Variants in SIPA1 observed in about 807,000 individuals in gnomAD.
The protein encoded by SIPA1 is signal-induced proliferation-associated protein 1.
SIPA1 carries 51 observed loss-of-function variants against 88.1 expected under a neutral mutation model. The observed-to-expected ratio is 0.58, with a 90% CI of 0.46 to 0.73. SIPA1 has a LOEUF of 0.73. Ranked by LOEUF, SIPA1 falls within the 30% of genes least tolerant of loss-of-function variation. The pLI is 0.00. For synonymous variants in SIPA1, 681 were observed against 664.8 expected, an observed-to-expected ratio of 1.02 and a Z score of -0.37; for missense variants, 1,348 against 1,467.6, an observed-to-expected ratio of 0.92 and a Z score of 1.33.
intron 4 of SIPA1, among the ~76,000 whole-genome samples, chr11:65,644,423 T>C (rs1856067848): frequency 1.3e-5 from 2 of 151,296 alleles, no homozygotes; most frequent in Admixed American, 1.3e-4. Flanking sequence ...AGGAATGAAA[T>C]CGAAGTGGGG....
Position 65,646,379 on chromosome 11 carries a change from G to A in SIPA1, c.1421+1G>A. On this transcript the variant is annotated splice_donor_variant, in intron 7 of 15. Coordinates refer to ENST00000534313, the MANE Select transcript of SIPA1 (RefSeq NM_006747.4). LOFTEE classifies it high-confidence loss of function. This position sits in a 1 kb window ranked among gnomAD's most constrained non-coding sequence, Gnocchi z 7.5. ...CCTGCACGCCACACACCACCTACAG[G>A]TGGGCACCGGAGTGGTCCCAGGTCT... The A allele has an allele frequency of 6.2e-7, 1 of 1,609,558 alleles. No homozygotes were observed. The highest frequency in any genetic ancestry group is 1.3e-5 in the African/African-American group (1 of 75,024).
chr11:65,641,680 C>T, intron 2 of SIPA1, 80 bp downstream of exon 2: 2 of 1,254,330 alleles, frequency 1.6e-6, no homozygotes, highest in Non-Finnish European at 1.1e-6. Context: ...CACAGTAGGG[C>T]TCATGAACTG....
chr11:65,645,934 T>C lies in SIPA1; in HGVS notation c.1240T>C (p.Tyr414His). 6.2e-7 allele frequency: 1 copy of C among 1,612,868 alleles called. No individual in the cohort carries two copies. The highest frequency in any genetic ancestry group is 8.5e-7 in the Non-Finnish European group (1 of 1,179,304). Residue 414 changes from tyrosine to histidine, a missense_variant, in exon 6 of 16, where the codon TAC becomes CAC. This residue lies in a region of SIPA1 where 641 missense variants were observed against 797.7 expected (regional missense o/e 0.80). Coordinates refer to ENST00000534313, the MANE Select transcript of SIPA1 (RefSeq NM_006747.4). ...IMFHVSTMLP[Y>H]TPNNQQQLLR... Reference sequence around the variant, plus strand: ...GTTCCACGTGTCCACGATGCTGCCTTACACCCCTAATAACCAGCAGCAGGT... The same window carrying C: ...GTTCCACGTGTCCACGATGCTGCCTCACACCCCTAATAACCAGCAGCAGGT...
rs1319225623 is a variant in SIPA1 at position 65,650,692 on chromosome 11, T to C, written c.3106T>C (p.Ser1036Pro). 1.3e-6 allele frequency: 2 copies of C among 1,581,078 alleles called. No homozygotes were observed. The highest frequency in any genetic ancestry group is 3.6e-5 in the Admixed American group (2 of 55,712). ...CCTCCTGGCCTCCAAGCAGCTGGGC[T>C]CACCCACCGCCGACCTGGCCTGAGC... ...RLLLASKQLG[S>P]PTADLA Residue 1036 changes from serine to proline, a missense_variant, in exon 16 of 16, where the codon TCA becomes CCA. Ser to Pro is a moderately conservative substitution (Grantham distance 74). Around this residue, in one of 4 missense-constraint regions of SIPA1, gnomAD observed 615 missense variants for 559.8 expected, o/e 1.10. Transcript: ENST00000534313.
Position 65,646,410 on chromosome 11 carries a change from G to A in SIPA1, c.1421+32G>A, listed in dbSNP as rs1263287112. 1 of 1,601,498 alleles carries A rather than the reference G, an allele frequency of 6.2e-7. No homozygotes were observed. The highest frequency in any genetic ancestry group is 1.1e-5 in the South Asian group (1 of 90,996). On this transcript the variant is annotated intron_variant, in intron 7 of 15. Transcript: ENST00000534313. This position sits in a 1 kb window ranked among gnomAD's most constrained non-coding sequence, Gnocchi z 7.5. ...ACCGGAGTGGTCCCAGGTCTCCCGTGGGCATGGAGTCCTGCCGCCCCTCAC... is the reference window on the plus strand; with the variant it reads ...ACCGGAGTGGTCCCAGGTCTCCCGTAGGCATGGAGTCCTGCCGCCCCTCAC...
At chr11:65,643,231 A>G (rs1486764109) in intron 4 of SIPA1, among the ~76,000 whole-genome samples, 1 of 152,142 alleles carries the variant, frequency 6.6e-6, no homozygotes, top group Non-Finnish European at 1.5e-5. Context: ...CTGCATTTTA[A>G]AAAGATATTT....
Position 65,640,933 on chromosome 11 carries a change from G to T in SIPA1, c.12G>T (p.Trp4Cys). The T allele has an allele frequency of 6.6e-7, 1 of 1,520,156 alleles. No individual in the cohort carries two copies. The highest frequency in any genetic ancestry group is 8.8e-7 in the Non-Finnish European group (1 of 1,142,754). The allele number at this position is 1,520,156 out of a possible 1,614,324, so 94.2% of individuals were successfully genotyped here. A position where few individuals can be genotyped will look rare whatever the true frequency, so the allele number is the denominator to read the frequency against. ...CAGGCCCACAGAGCATGCCCATGTG[G>T]GCCGGCGGTGTGGGGAGCCCTCGGC... MPM[W>C]AGGVGSPRRG... is the part of the protein sequence containing the mutation. The change falls in exon 2 of 16, where the codon TGG becomes TGT. Residue 4 changes from tryptophan to cysteine, a missense_variant. Around this residue, in one of 4 missense-constraint regions of SIPA1, gnomAD observed 641 missense variants for 797.7 expected, o/e 0.80. Transcript: ENST00000534313.
Position 65,649,758 on chromosome 11 carries a change from A to C in SIPA1, c.2639A>C (p.Asp880Ala), listed in dbSNP as rs745585837. The C allele has an allele frequency of 1.2e-5, 20 of 1,614,068 alleles. No individual in the cohort carries two copies. The highest frequency in any genetic ancestry group is 3.3e-5 in the South Asian group (3 of 91,084). Residue 880 changes from aspartate (D) to alanine (A), a missense_variant and splice_region_variant, in exon 12 of 16, where the codon GAC becomes GCC. Physicochemically the swap from Asp to Ala is moderately radical, Grantham distance 126 (BLOSUM62 -2). Transcript: ENST00000534313. ...TCTGTATCCACTTCTGTGGCACAGGACAGGCCAGGCAGTCCCAGTGGCTCT... is the reference window on the plus strand; with the variant it reads ...TCTGTATCCACTTCTGTGGCACAGGCCAGGCCAGGCAGTCCCAGTGGCTCT... The part of the protein sequence containing the change: ...SADSETPLTQ[D>A]RPGSPSGSED...
At chr11:65,650,530 G>A (rs1316382849) in intron 15 of SIPA1, 39 bp from the exon 16 acceptor site, 1 of 1,612,112 alleles carries the variant, frequency 6.2e-7, no homozygotes, top group Non-Finnish European at 8.5e-7. Context: ...CCCAGGAAAG[G>A]GGCTGGCGGC....
chr11:65,640,760 GAGGACC>G lies in SIPA1; in HGVS notation c.-91-67_-91-62del, dbSNP rs1052186415. 4.8e-5 allele frequency: 28 copies of G among 588,126 alleles called. No homozygotes were observed. The African/African-American group carries it at 5.5e-4, about 12-fold the overall frequency. The allele number at this position is 588,126 out of a possible 1,614,324, so 36.4% of individuals were successfully genotyped here. On this transcript the variant is annotated intron_variant, in intron 1 of 15. Transcript: ENST00000534313. ...GGGCCGGAAGCCAACACGGGTGGTG[GAGGACC>G]AGGCTGGGGGCCTGGGTTCCTGTTT...
In SIPA1 at chr11:65,644,937, T is replaced by C. The variant is rs1856077712; in HGVS notation, c.985-18T>C. On this transcript the variant is annotated intron_variant, in intron 4 of 15. Transcript: ENST00000534313. ...CTGCAGGGGACTGAGACCTATGCCT[T>C]CTGTCTCCCACCCACAGCTGAGCTT... 2 of 1,605,786 alleles carry C rather than the reference T, an allele frequency of 1.2e-6. No homozygotes were observed. Among genetic ancestry groups the C allele is most frequent in the African/African-American group, 1.3e-5 (1 of 74,782 alleles).
chr11:65,650,587 G>A lies in SIPA1; in HGVS notation c.3001G>A (p.Ala1001Thr). Residue 1001 changes from alanine to threonine, a missense_variant, in exon 16 of 16, where the codon GCC (alanine) becomes ACC (threonine). Transcript: ENST00000534313. ...DLQKEKADRA[A>T]LEEEVRSLRH... ...ACCCCAGGAGAAGGCGGACAGGGCGGCCCTGGAGGAGGAGGTGCGGAGCCT... is the reference window on the plus strand; with the variant it reads ...ACCCCAGGAGAAGGCGGACAGGGCGACCCTGGAGGAGGAGGTGCGGAGCCT... 1.3e-6 allele frequency: 2 copies of A among 1,596,830 alleles called. No individual in the cohort carries two copies. Among genetic ancestry groups the A allele is most frequent in the Non-Finnish European group, 8.5e-7 (1 of 1,171,638 alleles).
chr11:65,646,214 C>G lies in SIPA1; in HGVS notation c.1264-7C>G. On this transcript the variant is annotated splice_region_variant and splice_polypyrimidine_tract_variant and intron_variant, in intron 6 of 15. Coordinates refer to ENST00000534313, the MANE Select transcript of SIPA1 (RefSeq NM_006747.4). This position sits in a 1 kb window ranked among gnomAD's most constrained non-coding sequence, Gnocchi z 7.5. Reference sequence around the variant, plus strand: ...CTCATCACGAGCCCCTACTATCCAACCCCTAGCTCCTCCGGAAGCGCCACA... The same window carrying G: ...CTCATCACGAGCCCCTACTATCCAAGCCCTAGCTCCTCCGGAAGCGCCACA... 6.2e-7 allele frequency: 1 copy of G among 1,613,614 alleles called. No individual in the cohort carries two copies.
At chr11:65,647,225 G>T in intron 8 of SIPA1, 159 bp from the exon 9 acceptor site, 1 of 1,393,210 alleles carries the variant, frequency 7.2e-7, no homozygotes, top group Non-Finnish European at 9.3e-7. Context: ...TGGTGCCCTC[G>T]GGTAAGCGAC....
Position 65,649,310 on chromosome 11 carries a change from G to A in SIPA1, c.2355G>A (p.Arg785=). 1 of 1,556,022 alleles carries A rather than the reference G, an allele frequency of 6.4e-7. No homozygotes were observed. Among genetic ancestry groups the A allele is most frequent in the Non-Finnish European group, 8.7e-7 (1 of 1,149,362 alleles). The change falls in exon 10 of 16, where the codon CGG becomes CGA. Residue 785 remains arginine (R), a synonymous_variant. Coordinates refer to ENST00000534313, the MANE Select transcript of SIPA1 (RefSeq NM_006747.4). ...YTLSLQEPSR[R]GAPDPVQDEV... is the part of the protein sequence containing the mutation. Reference sequence around the variant, plus strand: ...TGTCGCTGCAGGAGCCTAGCCGGCGGGGGGCCCCAGATCCTGTGCAGGATG... The same window carrying A: ...TGTCGCTGCAGGAGCCTAGCCGGCGAGGGGCCCCAGATCCTGTGCAGGATG...
chr11:65,647,474 G>T lies in SIPA1; in HGVS notation c.2122G>T (p.Val708Phe). ...CTTCGAGGTGGACGCCGAGGGATTC[G>T]TCACGCACGTGGAGCGCTTCACATT... ...LGFEVDAEGF[V>F]THVERFTFAE... Residue 708 changes from valine to phenylalanine, a missense_variant, in exon 9 of 16, where the codon GTC becomes TTC. Around this residue, in one of 4 missense-constraint regions of SIPA1, gnomAD observed 615 missense variants for 559.8 expected, o/e 1.10. Transcript: ENST00000534313. 6.8e-7 allele frequency: 1 copy of T among 1,476,354 alleles called. No individual in the cohort carries two copies. The highest frequency in any genetic ancestry group is 8.9e-7 in the Non-Finnish European group (1 of 1,122,116). The allele number at this position is 1,476,354 out of a possible 1,614,324, so 91.5% of individuals were successfully genotyped here.
At position 65,642,185 on chromosome 11, in the gene SIPA1, TG is replaced by T; in HGVS notation, c.680-63del. 6.5e-7 allele frequency: 1 copy of T among 1,529,768 alleles called. No individual in the cohort carries two copies. Among genetic ancestry groups the T allele is most frequent in the Non-Finnish European group, 8.8e-7 (1 of 1,140,434 alleles). 94.8% of individuals were successfully genotyped at this position (1,529,768 alleles called of 1,614,324 possible). A position where few individuals can be genotyped will look rare whatever the true frequency, so the allele number is the denominator to read the frequency against. On this transcript the variant is annotated intron_variant, in intron 2 of 15. Transcript: ENST00000534313. The surrounding 1 kb of genome is among the most constrained non-coding windows in gnomAD (Gnocchi z 6.5). ...CTAGGGCGGGGCTTAGTGATGCGCG[TG>T]GTCGAGCGGGGGCGGGGCTGCCAGA...
At position 65,642,182 on chromosome 11, in the gene SIPA1, G is replaced by A. The variant is rs886256331; in HGVS notation, c.680-68G>A. The stretch of plus-strand genomic sequence containing the variant: ...AGCCTAGGGCGGGGCTTAGTGATGC[G>A]CGTGGTCGAGCGGGGGCGGGGCTGC... On this transcript the variant is annotated intron_variant, in intron 2 of 15. Coordinates refer to ENST00000534313, the MANE Select transcript of SIPA1 (RefSeq NM_006747.4). The surrounding 1 kb of genome is among the most constrained non-coding windows in gnomAD (Gnocchi z 6.5). 2 of 1,528,948 alleles carry A rather than the reference G, an allele frequency of 1.3e-6. No individual in the cohort carries two copies. Among genetic ancestry groups the A allele is most frequent in the South Asian group, 1.2e-5 (1 of 81,770 alleles). The allele number at this position is 1,528,948 out of a possible 1,614,324, so 94.7% of individuals were successfully genotyped here.
In SIPA1 at chr11:65,645,339, G is replaced by A. The variant is rs139263153; in HGVS notation, c.1159+210G>A. Among the ~76,000 whole-genome samples, 35 of 152,284 alleles carry A rather than the reference G, an allele frequency of 2.3e-4. 2 individuals are homozygous for A. The highest frequency in any genetic ancestry group is 8.2e-4 in the African/African-American group (34 of 41,548). ...TCCCTCAAGGCCCAAGTACCCTACTGCCTGAGCTGGGGCTAAAGTGGTTTG... is the reference window on the plus strand; with the variant it reads ...TCCCTCAAGGCCCAAGTACCCTACTACCTGAGCTGGGGCTAAAGTGGTTTG... On this transcript the variant is annotated intron_variant, in intron 5 of 15. Transcript: ENST00000534313.
Sources: allele counts gnomAD v4.1 joint callset (sites outside exome capture counted in the v4.1 genomes callset), GRCh38; gene constraint gnomAD v4.1.1; regional missense constraint gnomAD v4.1.1; non-coding constraint Gnocchi (gnomAD v3.1); transcripts MANE v1.5; gene names NCBI Gene and HGNC (gene_info 2026-07-23, HGNC 2026-07-21).